Variants in UNC13B observed in about 807,000 individuals in gnomAD.
The protein encoded by UNC13B is unc-13 homolog B, also known as protein unc-13 homolog B.
In UNC13B, 144 loss-of-function variants were observed where a neutral mutation model predicts 211.0. That is an observed-to-expected ratio of 0.68 (90% CI 0.60 to 0.78). UNC13B has a LOEUF of 0.78. UNC13B is among the 30% of genes least tolerant of loss of function. The probability of loss-of-function intolerance (pLI) is 0.00; values close to 1 mark genes in which losing one functional copy is unlikely to be tolerated. For missense variants in UNC13B, 1,777 were observed against 2,002.0 expected (o/e 0.89, Z 2.14); for synonymous variants, 709 against 725.8 (o/e 0.98, Z 0.37).
At chr9:35,188,714 A>T (rs1333293528) in intron 1 of UNC13B, among the ~76,000 whole-genome samples, 1 of 152,222 alleles carries the variant, frequency 6.6e-6, no homozygotes, top group Non-Finnish European at 1.5e-5. Context: ...AGATCGCCAT[A>T]AATTGCTTAT....
At chr9:35,365,313 A>G (rs1833706431) in intron 11 of UNC13B, among the ~76,000 whole-genome samples, 1 of 152,230 alleles carries the variant, frequency 6.6e-6, no homozygotes. Context: ...CCTAGGATCC[A>G]TGCTCACCAT....
At position 35,302,330 on chromosome 9, in the gene UNC13B, G is replaced by A. The variant is rs1360967862; in HGVS notation, c.2926G>A (p.Asp976Asn). 5.0e-6 allele frequency: 2 copies of A among 398,258 alleles called. No homozygotes were observed. Among genetic ancestry groups the A allele is most frequent in the Non-Finnish European group, 4.4e-6 (1 of 225,730 alleles). 24.7% of individuals were successfully genotyped at this position (398,258 alleles called of 1,614,324 possible). A position where few individuals can be genotyped will look rare whatever the true frequency, so the allele number is the denominator to read the frequency against. Residue 976 changes from aspartate (D) to asparagine (N), a missense_variant, in exon 9 of 40, where the codon GAT (aspartate) becomes AAT (asparagine). By Grantham distance (23) the Asp-to-Asn change is conservative. Coordinates refer to ENST00000635942, the MANE Select transcript of UNC13B (RefSeq NM_001371189.2). ...ATCTAGTTCAGTTCCAAATATTCAT[G>A]ATGATCTAGAGAAGTTTGACAGTAT... ...IKSSSVPNIH[D>N]DLEKFDSIKE...
intron 7 of UNC13B, among the ~76,000 whole-genome samples, chr9:35,267,165 G>T (rs776235832): frequency 7.2e-5 from 11 of 152,204 alleles, no homozygotes; most frequent in African/African-American, 2.7e-4. Flanking sequence ...TCAAAGAGGG[G>T]ATGGCTAGGT....
At chr9:35,356,666 GT>G (rs1183185245) in intron 11 of UNC13B, among the ~76,000 whole-genome samples, 2 of 152,076 alleles carry the variant, frequency 1.3e-5, no homozygotes, top group Admixed American at 6.6e-5. Flanking sequence ...GAATCGAATG[GT>G]TTTTAGTTTA....
chr9:35,264,078 G>A (rs1827433238), intron 7 of UNC13B, among the ~76,000 whole-genome samples: 1 of 152,182 alleles, frequency 6.6e-6, no homozygotes, highest in African/African-American at 2.4e-5. Flanking sequence ...TTTGGAACTG[G>A]GTGATGGGTA....
intron 11 of UNC13B, among the ~76,000 whole-genome samples, chr9:35,327,100 T>C (rs1364229781): frequency 6.6e-6 from 1 of 152,226 alleles, no homozygotes; most frequent in Non-Finnish European, 1.5e-5. Context: ...TTCTCTTGCC[T>C]ATCTCTGGGG....
rs558561654 is a variant in UNC13B, at chr9:35,384,454, A to G, written c.10875+140A>G. On this transcript the variant is annotated intron_variant, in intron 22 of 39. Coordinates refer to ENST00000635942, the MANE Select transcript of UNC13B (RefSeq NM_001371189.2). ...CACATCCACCCAAATGGCCAATGCTACTGACACCTGTGGTTCTTTTAACTC... is the reference window on the plus strand; with the variant it reads ...CACATCCACCCAAATGGCCAATGCTGCTGACACCTGTGGTTCTTTTAACTC... The G allele has an allele frequency of 2.7e-5, 38 of 1,426,258 alleles. 2 individuals are homozygous for G. In the South Asian group the frequency reaches 4.7e-4, roughly 18 times the overall value. The allele number at this position is 1,426,258 out of a possible 1,614,324, so 88.4% of individuals were successfully genotyped here.
chr9:35,351,998 ACTGAGATTG>A, intron 11 of UNC13B: 1 of 1,232,238 alleles, frequency 8.1e-7, no homozygotes, highest in Non-Finnish European at 1.0e-6. Context: ...CCGTCTTCAG[ACTGAGATTG>A]CTGAGCTGCA....
chr9:35,260,246 G>A (rs1827200779), intron 7 of UNC13B, among the ~76,000 whole-genome samples: 1 of 151,732 alleles, frequency 6.6e-6, no homozygotes, highest in South Asian at 2.1e-4. Context: ...AACCATAGCA[G>A]CTAACACTAT....
intron 22 of UNC13B, 110 bp downstream of exon 22, chr9:35,384,424 G>A (rs1005022340): frequency 6.7e-6 from 10 of 1,496,714 alleles, no homozygotes; most frequent in South Asian, 1.4e-5. Flanking sequence ...ACTGGTCTGT[G>A]TCATCACATC....
chr9:35,228,471 T>C (rs1824989338), intron 2 of UNC13B, among the ~76,000 whole-genome samples: 1 of 152,076 alleles, frequency 6.6e-6, no homozygotes, highest in Non-Finnish European at 1.5e-5. Context: ...TTTCTCCTAA[T>C]GCTATCCCTC....
intron 2 of UNC13B, 129 bp from the exon 3 acceptor site, chr9:35,230,991 C>A: frequency 1.7e-6 from 1 of 605,872 alleles, no homozygotes; most frequent in Non-Finnish European, 2.9e-6. Flanking sequence ...CTATGTTGTA[C>A]AATATAGCTT....
At chr9:35,185,418 A>G (rs1346893927) in intron 1 of UNC13B, among the ~76,000 whole-genome samples, 1 of 152,166 alleles carries the variant, frequency 6.6e-6, no homozygotes, top group Non-Finnish European at 1.5e-5. Flanking sequence ...AGTACAACCA[A>G]CTACTATGTC....
chr9:35,378,539 G>A (rs1834602088), intron 17 of UNC13B, 103 bp downstream of exon 17: 1 of 1,486,102 alleles, frequency 6.7e-7, no homozygotes, highest in South Asian at 1.2e-5. Context: ...GGCAAAGGCA[G>A]GGGAGAAAAC....
Position 35,381,579 on chromosome 9 carries a change from C to T in UNC13B, c.10515C>T (p.Asp3505=). ...LHENLFHYLT[D]IQGSGGVRIP... is the part of the protein sequence containing the mutation. ...AGAATCTTTTCCATTACCTCACAGA[C>T]ATTCAGGGCAGTGGAGGAGTCCGCA... is the stretch of plus-strand genomic sequence containing the variant. The change falls in exon 20 of 40, where the codon GAC becomes GAT. Residue 3505 remains aspartate (D), a synonymous_variant. Coordinates refer to ENST00000635942, the MANE Select transcript of UNC13B (RefSeq NM_001371189.2). 2 of 1,613,974 alleles carry T rather than the reference C, an allele frequency of 1.2e-6. No individual in the cohort carries two copies. The highest frequency in any genetic ancestry group is 1.7e-4 in the Middle Eastern group (1 of 6,056).
chr9:35,284,744 G>A (rs548557260), intron 7 of UNC13B, among the ~76,000 whole-genome samples: 1 of 152,194 alleles, frequency 6.6e-6, no homozygotes, highest in Non-Finnish European at 1.5e-5. Context: ...ATAATTTCTA[G>A]TGTTTGAGTT....
chr9:35,237,863 C>T (rs1322743020), intron 5 of UNC13B, 37 bp downstream of exon 5: 3 of 1,574,754 alleles, frequency 1.9e-6, no homozygotes, highest in African/African-American at 1.4e-5. Context: ...TAATTTTTAC[C>T]ATATTGTTTG....
At chr9:35,277,057 G>A in intron 7 of UNC13B, among the ~76,000 whole-genome samples, 1 of 152,088 alleles carries the variant, frequency 6.6e-6, no homozygotes, top group Admixed American at 6.6e-5. Context: ...CTGGTGAATT[G>A]CAAGTGTAGG....
chr9:35,267,744 A>T (rs1827655425), intron 7 of UNC13B, among the ~76,000 whole-genome samples: 1 of 151,982 alleles, frequency 6.6e-6, no homozygotes, highest in African/African-American at 2.4e-5. Context: ...TCCAAAGGTT[A>T]CTTTTGGGGA....
Sources: gnomAD v4.1 joint callset for allele counts (sites outside exome capture counted in the v4.1 genomes callset) on GRCh38, gnomAD v4.1.1 for gene constraint, MANE v1.5 for transcripts, NCBI Gene and HGNC (gene_info 2026-07-23, HGNC 2026-07-21) for gene names.